The following ERBB4 variants were observed in gnomAD, a reference collection of about 807,000 sequenced individuals.
ERBB4 encodes receptor tyrosine-protein kinase erbB-4.
In ERBB4, 42 loss-of-function variants were observed where a neutral mutation model predicts 158.0. The ratio of observed to expected loss-of-function variants is 0.27; its 90% confidence interval spans 0.21 to 0.34. The LOEUF (loss-of-function observed/expected upper bound fraction) is 0.34, where lower values mean the gene tolerates loss of function less well. Ranked by LOEUF, ERBB4 falls within the 10% of genes least tolerant of loss-of-function variation. The pLI is 1.00. For synonymous variants in ERBB4, 583 were observed against 558.7 expected, an observed-to-expected ratio of 1.04 and a Z score of -0.61; for missense variants, 1,333 against 1,624.1, an observed-to-expected ratio of 0.82 and a Z score of 3.08.
Position 211,377,686 on chromosome 2 carries a change from A to G in ERBB4, c.*5929T>C. 4.3e-6 allele frequency: 1 copy of G among 232,500 alleles called. No individual in the cohort carries two copies. The highest frequency in any genetic ancestry group is 2.2e-5 in the African/African-American group (1 of 45,438). 14.4% of individuals were successfully genotyped at this position (232,500 alleles called of 1,614,324 possible). On this transcript the variant is annotated 3_prime_UTR_variant, in exon 28 of 28. Transcript: ENST00000342788. ...ACAAAATATTTACGATTAGGAACCA[A>G]ATAAGATGAATAAAGCAAATAAGTT...
intron 2 of ERBB4, among the ~76,000 whole-genome samples, chr2:212,075,659 T>G (rs1037597271): frequency 2.6e-5 from 4 of 151,892 alleles, no homozygotes; most frequent in Non-Finnish European, 5.9e-5. Flanking sequence ...TTCTTGAATG[T>G]AGAGAAACAC....
intron 20 of ERBB4, among the ~76,000 whole-genome samples, chr2:211,555,556 C>T (rs1052443247): frequency 6.6e-6 from 1 of 152,050 alleles, no homozygotes; most frequent in Non-Finnish European, 1.5e-5. Flanking sequence ...AGAAAACTTA[C>T]AATACAAATG....
At chr2:211,416,439 A>C (rs2063394264) in intron 25 of ERBB4, among the ~76,000 whole-genome samples, 1 of 152,220 alleles carries the variant, frequency 6.6e-6, no homozygotes, top group Non-Finnish European at 1.5e-5. Flanking sequence ...AATGGAAACT[A>C]AATCCAATAG....
chr2:212,389,719 T>C (rs924020260), intron 1 of ERBB4, among the ~76,000 whole-genome samples: 1 of 152,022 alleles, frequency 6.6e-6, no homozygotes, highest in Admixed American at 6.6e-5. Context: ...TAACCATTTG[T>C]TGAGCATATA....
chr2:212,241,217 A>G (rs1308001585), intron 1 of ERBB4, among the ~76,000 whole-genome samples: 3 of 152,096 alleles, frequency 2.0e-5, no homozygotes, highest in African/African-American at 7.2e-5. Context: ...TGATCATGAC[A>G]CTGCACTCCA....
intron 12 of ERBB4, among the ~76,000 whole-genome samples, chr2:211,699,039 C>T (rs370462784): frequency 3.9e-5 from 6 of 152,054 alleles, no homozygotes; most frequent in African/African-American, 1.4e-4. Flanking sequence ...TTTAAAAAAT[C>T]GTCATTACTG....
intron 2 of ERBB4, among the ~76,000 whole-genome samples, chr2:211,997,525 A>G (rs1194290185): frequency 6.6e-6 from 1 of 152,154 alleles, no homozygotes; most frequent in Non-Finnish European, 1.5e-5. Flanking sequence ...ATTGAAAGAT[A>G]TTATGCCATT....
chr2:212,280,648 T>C (rs1279002401), intron 1 of ERBB4, among the ~76,000 whole-genome samples: 1 of 151,686 alleles, frequency 6.6e-6, no homozygotes, highest in Non-Finnish European at 1.5e-5. Flanking sequence ...CAACATTTTT[T>C]ATCAGGAGTA....
intron 4 of ERBB4, among the ~76,000 whole-genome samples, chr2:211,785,226 C>G (rs917647193): frequency 2.6e-5 from 4 of 151,956 alleles, no homozygotes; most frequent in African/African-American, 9.7e-5. Flanking sequence ...CTCAGCCTCC[C>G]GAGTAGCTGG....
At position 212,230,004 on chromosome 2, in the gene ERBB4, G is replaced by A. The variant is rs73062447; in HGVS notation, c.83-105101C>T. The stretch of plus-strand genomic sequence containing the variant: ...AGAAATCAGAATATAGGCTACAACC[G>A]CCAGGTGCGGTGGTTCACGCCTGTA... On this transcript the variant is annotated intron_variant, in intron 1 of 27. Transcript: ENST00000342788. Among the ~76,000 whole-genome samples, 845 of 152,278 alleles carry A rather than the reference G, an allele frequency of 5.5e-3. 6 individuals are homozygous for A. Among genetic ancestry groups the A allele is most frequent in the African/African-American group, 0.018 (759 of 41,568 alleles).
intron 3 of ERBB4, among the ~76,000 whole-genome samples, chr2:211,799,686 G>A (rs753184547): frequency 2.6e-5 from 4 of 152,068 alleles, no homozygotes; most frequent in South Asian, 4.1e-4. Context: ...ATAGTGCCAC[G>A]TTCATGAGGC....
chr2:211,810,964 G>A (rs576523674), intron 3 of ERBB4, among the ~76,000 whole-genome samples: 36 of 152,080 alleles, frequency 2.4e-4, no homozygotes, highest in Non-Finnish European at 4.1e-4. Flanking sequence ...GTGAGCCACC[G>A]CGCCTGGCCC....
intron 1 of ERBB4, among the ~76,000 whole-genome samples, chr2:212,319,065 C>T (rs780956067): frequency 6.6e-6 from 1 of 151,590 alleles, no homozygotes; most frequent in Non-Finnish European, 1.5e-5. Context: ...ACCTCCAATA[C>T]CTCAGGACTG....
intron 4 of ERBB4, among the ~76,000 whole-genome samples, chr2:211,767,851 G>A (rs12473495): frequency 0.028 from 4,255 of 152,150 alleles, 279 homozygotes; most frequent in East Asian, 0.23. Flanking sequence ...ATATCATTCT[G>A]CCCCTGGCCT....
At chr2:212,039,842 AAAAAG>A (rs564872169) in intron 2 of ERBB4, among the ~76,000 whole-genome samples, 194 of 152,160 alleles carry the variant, frequency 1.3e-3, no homozygotes, top group Middle Eastern at 0.01. Flanking sequence ...CCACCACAAA[AAAAAG>A]AAAAGAAAAG....
rs191659399 is a variant in ERBB4 at position 211,533,522 on chromosome 2, C to T, written c.2487+28381G>A. ...ACAAATATTGAATAATCTGTTTGAA[C>T]ACAGATTTGAGTATTGTTAGGCAAA... On this transcript the variant is annotated intron_variant, in intron 20 of 27. Transcript: ENST00000342788. 5.7e-3 allele frequency among the ~76,000 whole-genome samples: 861 copies of T among 152,058 alleles called. 10 individuals carry two copies. Among genetic ancestry groups the T allele is most frequent in the African/African-American group, 0.02 (813 of 41,516 alleles).
chr2:211,538,747 TG>T (rs1161526185), intron 20 of ERBB4, among the ~76,000 whole-genome samples: 1 of 151,856 alleles, frequency 6.6e-6, no homozygotes, highest in African/African-American at 2.4e-5. Context: ...TTCTTAATAT[TG>T]GGTTCGTAGA....
chr2:212,242,244 TAA>T (rs897106872), intron 1 of ERBB4, among the ~76,000 whole-genome samples: 129 of 152,060 alleles, frequency 8.5e-4, no homozygotes, highest in African/African-American at 2.7e-3. Context: ...CATTAATATT[TAA>T]AAGACATAGA....
At chr2:211,989,839 T>G (rs1339219385) in intron 2 of ERBB4, among the ~76,000 whole-genome samples, 5 of 152,056 alleles carry the variant, frequency 3.3e-5, no homozygotes, top group Non-Finnish European at 7.4e-5. Context: ...TCCACCCATG[T>G]CTTACTTGAA....
Sources: allele counts gnomAD v4.1 joint callset (sites outside exome capture counted in the v4.1 genomes callset), GRCh38; gene constraint gnomAD v4.1.1; transcripts MANE v1.5; gene names NCBI Gene and HGNC (gene_info 2026-07-23, HGNC 2026-07-21).